NIPA1: variants seen among roughly 807,000 people sequenced by gnomAD.
NIPA1 encodes NIPA magnesium transporter 1.
In NIPA1, 13 loss-of-function variants were observed where a neutral mutation model predicts 23.9. That is an observed-to-expected ratio of 0.54 (90% confidence interval 0.35 to 0.87). The LOEUF is 0.87. Ranked by LOEUF, NIPA1 falls within the 40% of genes least tolerant of loss-of-function variation. NIPA1 has a pLI of 0.01. For synonymous variants in NIPA1, 234 were observed against 202.9 expected, an observed-to-expected ratio of 1.15 and a Z score of -1.30; for missense variants, 362 against 429.7, an observed-to-expected ratio of 0.84 and a Z score of 1.39.
intron 1 of NIPA1, among the ~76,000 whole-genome samples, chr15:22,807,026 T>C: frequency 6.6e-6 from 1 of 152,260 alleles, no homozygotes; most frequent in East Asian, 1.9e-4. Flanking sequence ...CTAATACTGG[T>C]TTAAAAGGTG....
intron 4 of NIPA1, among the ~76,000 whole-genome samples, chr15:22,820,761 T>G (rs1352730752): frequency 6.6e-6 from 1 of 152,070 alleles, no homozygotes; most frequent in African/African-American, 2.4e-5. Context: ...GCGCCTTCCC[T>G]TCCCACAGTG....
At position 22,787,904 on chromosome 15, in the gene NIPA1, G is replaced by A. The variant is rs148344742; in HGVS notation, c.178+1070G>A. On this transcript the variant is annotated intron_variant, in intron 1 of 4. Transcript: ENST00000337435. ...TCTCGAATGAAAATATAAAATCATGGATAATTTAAGGAATTTAGCTTTAAA... is the reference window on the plus strand; with the variant it reads ...TCTCGAATGAAAATATAAAATCATGAATAATTTAAGGAATTTAGCTTTAAA... Among the ~76,000 whole-genome samples, 827 of 152,228 alleles carry A rather than the reference G, an allele frequency of 5.4e-3. 5 individuals carry two copies. The highest frequency in any genetic ancestry group is 0.02 in the Middle Eastern group (6 of 294).
rs373444759 is a variant in NIPA1 at position 22,823,879 on chromosome 15, G to C, written c.630G>C (p.Gly210=). The C allele has an allele frequency of 1.2e-6, 2 of 1,614,056 alleles. No homozygotes were observed. The highest frequency in any genetic ancestry group is 2.7e-5 in the African/African-American group (2 of 74,940). The part of the protein sequence containing the change: ...SFTVPSTKGI[G]LAAQDILHNN... ...CCGTGCCTTCCACCAAGGGCATCGG[G>C]CTGGCGGCCCAAGACATCTTGCATA... Residue 210 remains glycine, a synonymous_variant, in exon 5 of 5, where the codon GGG becomes GGC. Transcript: ENST00000337435.
Position 22,827,464 on chromosome 15 carries a change from G to C in NIPA1, c.*3225G>C, listed in dbSNP as rs1895675677. ...GGCCCTGCCCATGCTGGGGACTTTGGGGAGGAATTTGGTATTCTGGTGGCC... is the reference window on the plus strand; with the variant it reads ...GGCCCTGCCCATGCTGGGGACTTTGCGGAGGAATTTGGTATTCTGGTGGCC... On this transcript the variant is annotated 3_prime_UTR_variant, in exon 5 of 5. Transcript: ENST00000337435. 1 of 152,222 alleles carries C rather than the reference G, an allele frequency of 6.6e-6. No homozygotes were observed. Among genetic ancestry groups the C allele is most frequent in the Non-Finnish European group, 1.5e-5 (1 of 68,074 alleles). The allele number at this position is 152,222 out of a possible 1,614,324, so 9.4% of individuals were successfully genotyped here.
intron 3 of NIPA1, among the ~76,000 whole-genome samples, chr15:22,812,873 G>C (rs912275865): frequency 1.3e-5 from 2 of 152,202 alleles, no homozygotes; most frequent in African/African-American, 4.8e-5. Context: ...TGACACCTTG[G>C]CAAGTTATTC....
At chr15:22,804,158 A>G (rs1895148573) in intron 1 of NIPA1, among the ~76,000 whole-genome samples, 1 of 151,950 alleles carries the variant, frequency 6.6e-6, no homozygotes, top group South Asian at 2.1e-4. Context: ...TTAAATTTTT[A>G]GTAGAGACGG....
chr15:22,824,792 C>T lies in NIPA1; in HGVS notation c.*553C>T, dbSNP rs545152723. 1 of 155,324 alleles carries T rather than the reference C, an allele frequency of 6.4e-6. No individual in the cohort carries two copies. The highest frequency in any genetic ancestry group is 6.3e-5 in the Admixed American group (1 of 15,898). 9.6% of individuals were successfully genotyped at this position (155,324 alleles called of 1,614,324 possible). On this transcript the variant is annotated 3_prime_UTR_variant, in exon 5 of 5. Coordinates refer to ENST00000337435, the MANE Select transcript of NIPA1 (RefSeq NM_144599.5). The surrounding 1 kb of genome is among the most constrained non-coding windows in gnomAD (Gnocchi z 4.1). The stretch of plus-strand genomic sequence containing the variant: ...AAGTTGACTCTTCGACCCCCACCCC[C>T]ACCCAAGACATTTTAATAGTAAATA...
chr15:22,799,108 T>C (rs1011445342), intron 1 of NIPA1, among the ~76,000 whole-genome samples: 7 of 152,086 alleles, frequency 4.6e-5, no homozygotes, highest in African/African-American at 1.7e-4. Flanking sequence ...AATAGTTTTA[T>C]CAAAAAGACA....
rs867186418 is a variant in NIPA1, at chr15:22,822,914, T to G, written c.479-814T>G. Among the ~76,000 whole-genome samples, 217 of 84,526 alleles carry G rather than the reference T, an allele frequency of 2.6e-3. 1 individual carries two copies. Among genetic ancestry groups the G allele is most frequent in the African/African-American group, 8.8e-3 (200 of 22,782 alleles). 55.5% of individuals were successfully genotyped at this position (84,526 alleles called of 152,430 possible). On this transcript the variant is annotated intron_variant, in intron 4 of 4. Coordinates refer to ENST00000337435, the MANE Select transcript of NIPA1 (RefSeq NM_144599.5). Reference sequence around the variant, plus strand: ...CATTTAGGAGCTGTAAATGGTTTTTTTTTTTTTTTTTTTTTTTTTTTTGAG... The same window carrying G: ...CATTTAGGAGCTGTAAATGGTTTTTGTTTTTTTTTTTTTTTTTTTTTTGAG...
At chr15:22,821,684 T>C (rs1167822256) in intron 4 of NIPA1, among the ~76,000 whole-genome samples, 1 of 150,354 alleles carries the variant, frequency 6.7e-6, no homozygotes, top group Non-Finnish European at 1.5e-5. Context: ...GGTTTGCATG[T>C]TAACACCTAG....
In NIPA1 at chr15:22,793,660, C is replaced by T. The variant is rs150513038; in HGVS notation, c.178+6826C>T. 9.1e-3 allele frequency among the ~76,000 whole-genome samples: 1,383 copies of T among 152,074 alleles called. 23 individuals are homozygous for T. Among genetic ancestry groups the T allele is most frequent in the African/African-American group, 0.032 (1,316 of 41,486 alleles). ...TTCACCATGTTGGCCAGCCTGGTCTCGAACTCCTGACCTCAAGTGTTCTGC... is the reference window on the plus strand; with the variant it reads ...TTCACCATGTTGGCCAGCCTGGTCTTGAACTCCTGACCTCAAGTGTTCTGC... On this transcript the variant is annotated intron_variant, in intron 1 of 4. Transcript: ENST00000337435.
In NIPA1 at chr15:22,786,775, T is replaced by C; in HGVS notation, c.119T>C (p.Leu40Pro). The C allele has an allele frequency of 7.6e-7, 1 of 1,309,894 alleles. No individual in the cohort carries two copies. The highest frequency in any genetic ancestry group is 1.5e-5 in the South Asian group (1 of 67,954). 81.1% of individuals were successfully genotyped at this position (1,309,894 alleles called of 1,614,324 possible). ...CTGGGCGTGGCCGTCGTGTCGAGCCTGGTGAACGGGTCCACGTTCGTGCTA... is the reference window on the plus strand; with the variant it reads ...CTGGGCGTGGCCGTCGTGTCGAGCCCGGTGAACGGGTCCACGTTCGTGCTA... ...LGLGVAVVSSLVNGSTFVLQK... is the reference protein window; with the variant it reads ...LGLGVAVVSSPVNGSTFVLQK... The change falls in exon 1 of 5, where the codon CTG (leucine) becomes CCG (proline). Residue 40 changes from leucine to proline, a missense_variant. Leu to Pro is a moderately conservative substitution (Grantham distance 98). Coordinates refer to ENST00000337435, the MANE Select transcript of NIPA1 (RefSeq NM_144599.5).
At chr15:22,811,084 G>C (rs1895306448) in intron 2 of NIPA1, 1 of 439,278 alleles carries the variant, frequency 2.3e-6, no homozygotes, top group South Asian at 2.9e-5. Flanking sequence ...AGGCTGATCT[G>C]TCCTGGGCCC....
chr15:22,810,204 G>T lies in NIPA1; in HGVS notation c.179-545G>T, dbSNP rs961777817. ...CTGCGTGGGATGGGTGGGGTAACCTGAGAGGATGCCGGCAAGTCTCAGGTC... is the reference window on the plus strand; with the variant it reads ...CTGCGTGGGATGGGTGGGGTAACCTTAGAGGATGCCGGCAAGTCTCAGGTC... On this transcript the variant is annotated intron_variant, in intron 1 of 4. Transcript: ENST00000337435. 2.0e-5 allele frequency among the ~76,000 whole-genome samples: 3 copies of T among 152,192 alleles called. No homozygotes were observed. In the East Asian group the frequency reaches 5.8e-4, roughly 29 times the overall value.
chr15:22,812,643 ACT>A (rs746508713), intron 3 of NIPA1, among the ~76,000 whole-genome samples: 24 of 147,028 alleles, frequency 1.6e-4, no homozygotes, highest in Non-Finnish European at 3.0e-4. Flanking sequence ...ACAGAGCGAG[ACT>A]CTGCCTTAAA....
chr15:22,818,649 C>G lies in NIPA1; in HGVS notation c.318-1664C>G, dbSNP rs1017133928. On this transcript the variant is annotated intron_variant, in intron 3 of 4. Coordinates refer to ENST00000337435, the MANE Select transcript of NIPA1 (RefSeq NM_144599.5). ...CGTCCTTACTAAAAATACAAAAATCCCCCAGGGCATGGTGGCGGGCATCTG... is the reference window on the plus strand; with the variant it reads ...CGTCCTTACTAAAAATACAAAAATCGCCCAGGGCATGGTGGCGGGCATCTG... Among the ~76,000 whole-genome samples the G allele has an allele frequency of 6.0e-5, 9 of 150,944 alleles. 1 individual carries two copies. The highest frequency in any genetic ancestry group is 2.2e-4 in the African/African-American group (9 of 41,000).
chr15:22,807,435 G>A (rs1027892427), intron 1 of NIPA1, among the ~76,000 whole-genome samples: 1 of 151,950 alleles, frequency 6.6e-6, no homozygotes, highest in African/African-American at 2.4e-5. Context: ...ACAATAAAAG[G>A]ACAGCTGGAT....
chr15:22,810,787 A>C lies in NIPA1; in HGVS notation c.217A>C (p.Thr73Pro). 3 of 1,610,070 alleles carry C rather than the reference A, an allele frequency of 1.9e-6. No individual in the cohort carries two copies. Among genetic ancestry groups the C allele is most frequent in the Non-Finnish European group, 2.6e-6 (3 of 1,176,288 alleles). ...YLTDIVWWAG[T>P]IAMAVGQIGN... is the part of the protein sequence containing the mutation. Reference sequence around the variant, plus strand: ...AACAGACATTGTGTGGTGGGCTGGCACAATCGCAAGTAAGTAGCCTGTGTG... The same window carrying C: ...AACAGACATTGTGTGGTGGGCTGGCCCAATCGCAAGTAAGTAGCCTGTGTG... The change falls in exon 2 of 5, where the codon ACA becomes CCA. Residue 73 changes from threonine (T) to proline (P), a missense_variant. Coordinates refer to ENST00000337435, the MANE Select transcript of NIPA1 (RefSeq NM_144599.5).
In NIPA1 at chr15:22,810,794, C is replaced by T; in HGVS notation, c.224C>T (p.Ala75Val). The T allele has an allele frequency of 3.7e-6, 6 of 1,606,640 alleles. No individual in the cohort carries two copies. Among genetic ancestry groups the T allele is most frequent in the Non-Finnish European group, 5.1e-6 (6 of 1,173,222 alleles). Reference protein sequence around the residue: ...TDIVWWAGTIAMAVGQIGNFL... With the variant: ...TDIVWWAGTIVMAVGQIGNFL... The stretch of plus-strand genomic sequence containing the variant: ...ATTGTGTGGTGGGCTGGCACAATCG[C>T]AAGTAAGTAGCCTGTGTGGCGAAGT... The change falls in exon 2 of 5, where the codon GCA (alanine) becomes GTA (valine). Residue 75 changes from alanine to valine, a missense_variant and splice_region_variant. By Grantham distance (64) the Ala-to-Val change is moderately conservative. This residue lies in a region of NIPA1 where 277 missense variants were observed against 372.0 expected (regional missense o/e 0.74). Coordinates refer to ENST00000337435, the MANE Select transcript of NIPA1 (RefSeq NM_144599.5).
Sources: allele counts gnomAD v4.1 joint callset (sites outside exome capture counted in the v4.1 genomes callset), GRCh38; gene constraint gnomAD v4.1.1; regional missense constraint gnomAD v4.1.1; non-coding constraint Gnocchi (gnomAD v3.1); transcripts MANE v1.5; gene names NCBI Gene and HGNC (gene_info 2026-07-23, HGNC 2026-07-21).